The following PCDHA2 variants were observed in gnomAD, a reference collection of about 807,000 sequenced individuals.
PCDHA2 encodes protocadherin alpha 2.
In PCDHA2, 58 loss-of-function variants were observed where a neutral mutation model predicts 66.0. That is an observed-to-expected ratio of 0.88 (90% CI 0.71 to 1.09). The LOEUF is 1.09. PCDHA2 is among the 50% of genes least tolerant of loss of function. The pLI, the probability that PCDHA2 is intolerant of heterozygous loss-of-function variation, is 0.00. For synonymous variants in PCDHA2, 634 were observed against 554.0 expected (o/e 1.14, Z -2.03); for missense variants, 1,267 against 1,242.3 (o/e 1.02, Z -0.30).
chr5:140,971,451 T>C (rs1442240847), intron 1 of PCDHA2, among the ~76,000 whole-genome samples: 2 of 152,110 alleles, frequency 1.3e-5, no homozygotes, highest in East Asian at 1.9e-4. Flanking sequence ...GCTCCAGAAA[T>C]TTTTGCAGTT....
rs2150150778 is a variant in PCDHA2 at position 140,828,083 on chromosome 5, G to A, written c.2388+30731G>A. Reference sequence around the variant, plus strand: ...TCTTCTAATGGAAATAAAACCAGAGGTATTTGACATGGTGTTTACCCCGGA... The same window carrying A: ...TCTTCTAATGGAAATAAAACCAGAGATATTTGACATGGTGTTTACCCCGGA... On this transcript the variant is annotated intron_variant, in intron 1 of 3. Transcript: ENST00000526136. The A allele has an allele frequency of 5.0e-6, 8 of 1,588,704 alleles. No homozygotes were observed. In the Admixed American group the frequency reaches 7.1e-5, roughly 14 times the overall value.
chr5:140,809,506 C>T (rs1764485255), intron 1 of PCDHA2: 1 of 1,614,088 alleles, frequency 6.2e-7, no homozygotes, highest in Non-Finnish European at 8.5e-7. Context: ...TGGCCTTCAG[C>T]CCCAGTTTAC....
In PCDHA2 at chr5:140,870,432, G is replaced by A. The variant is rs368823990; in HGVS notation, c.2388+73080G>A. On this transcript the variant is annotated intron_variant, in intron 1 of 3. Transcript: ENST00000526136. ...GGGCCACGGCCAGGGTATCCGTGGAGGTGGCCGACGTGAACGACAATGCGC... is the reference window on the plus strand; with the variant it reads ...GGGCCACGGCCAGGGTATCCGTGGAAGTGGCCGACGTGAACGACAATGCGC... 721 of 1,614,252 alleles carry A rather than the reference G, an allele frequency of 4.5e-4. 4 individuals carry two copies. In the African/African-American group the frequency reaches 8.4e-3, roughly 19 times the overall value.
intron 1 of PCDHA2, chr5:140,805,018 T>C (rs1554123186): frequency 6.4e-7 from 1 of 1,568,484 alleles, no homozygotes; most frequent in Non-Finnish European, 8.6e-7. Flanking sequence ...GTTATCAGCT[T>C]CTTGAATATA....
chr5:140,813,858 G>C (rs1554126343), intron 1 of PCDHA2: 1 of 152,212 alleles, frequency 6.6e-6, no homozygotes, highest in Non-Finnish European at 1.5e-5. Context: ...AATTAGCTAG[G>C]TGTGGTGACA....
intron 1 of PCDHA2, chr5:140,822,363 G>A: frequency 6.2e-7 from 1 of 1,614,118 alleles, no homozygotes; most frequent in South Asian, 1.1e-5. Context: ...TGGTTTTGAG[G>A]AAATCCTTAG....
rs2150125438 is a variant in PCDHA2, at chr5:140,823,390, G to T, written c.2388+26038G>T. On this transcript the variant is annotated intron_variant, in intron 1 of 3. Transcript: ENST00000526136. The stretch of plus-strand genomic sequence containing the variant: ...GCAGTTCCAGGTGAGCGCGCGCGAC[G>T]CGGGCGTGCCGCCTCTGGGCAGCAA... 8 of 1,612,786 alleles carry T rather than the reference G, an allele frequency of 5.0e-6. No individual in the cohort carries two copies. The Admixed American group carries it at 1.2e-4, about 24-fold the overall frequency.
intron 1 of PCDHA2, chr5:140,848,087 G>A (rs1781316611): frequency 5.9e-6 from 1 of 168,072 alleles, no homozygotes; most frequent in African/African-American, 2.4e-5. Flanking sequence ...AAACTTAAGT[G>A]GAGAGTTTTC....
chr5:140,955,603 C>T (rs898504105), intron 1 of PCDHA2, among the ~76,000 whole-genome samples: 1 of 152,146 alleles, frequency 6.6e-6, no homozygotes, highest in Non-Finnish European at 1.5e-5. Flanking sequence ...TTATAAATTA[C>T]CCAGTCTCAG....
At position 140,795,020 on chromosome 5, in the gene PCDHA2, T is replaced by C; in HGVS notation, c.56T>C (p.Leu19Pro). ...GCCTGGACACGGCTGCTCTCGCTTC[T>C]GCTCCTCGCAGCCTGGGAGGTGGGG... is the stretch of plus-strand genomic sequence containing the variant. ...RGAWTRLLSL[L>P]LLAAWEVGSG... The change falls in exon 1 of 4, where the codon CTG (leucine) becomes CCG (proline). Residue 19 changes from leucine to proline, a missense_variant. Leu to Pro is a moderately conservative substitution (Grantham distance 98). Coordinates refer to ENST00000526136, the MANE Select transcript of PCDHA2 (RefSeq NM_018905.3). 6.2e-7 allele frequency: 1 copy of C among 1,613,814 alleles called. No homozygotes were observed. The highest frequency in any genetic ancestry group is 8.5e-7 in the Non-Finnish European group (1 of 1,179,970).
At chr5:140,821,734 GT>G in intron 1 of PCDHA2, 3 of 1,534,086 alleles carry the variant, frequency 2.0e-6, no homozygotes, top group South Asian at 1.2e-5. Flanking sequence ...AATACATTGT[GT>G]GGTGATGCAA....
intron 1 of PCDHA2, chr5:140,969,483 G>C (rs531496681): frequency 1.4e-6 from 2 of 1,462,372 alleles, no homozygotes; most frequent in African/African-American, 1.4e-5. Context: ...ATCATAATCT[G>C]CTATTTCCTC....
intron 1 of PCDHA2, chr5:140,881,353 G>C (rs537796043): frequency 1.0e-6 from 1 of 985,060 alleles, no homozygotes; most frequent in African/African-American, 1.7e-5. Flanking sequence ...GCTACAATGC[G>C]TGGCTTTCGT....
At position 140,857,921 on chromosome 5, in the gene PCDHA2, C is replaced by A. The variant is rs1554150855; in HGVS notation, c.2388+60569C>A. On this transcript the variant is annotated intron_variant, in intron 1 of 3. Coordinates refer to ENST00000526136, the MANE Select transcript of PCDHA2 (RefSeq NM_018905.3). ...TGCACGCATCCCGTTTCGCGTGGGG[C>A]TGTACACGGGCGAGATCAGTACGAC... 4 of 1,597,628 alleles carry A rather than the reference C, an allele frequency of 2.5e-6. No homozygotes were observed. The Admixed American group carries it at 6.7e-5, about 27-fold the overall frequency.
chr5:140,795,538 T>A lies in PCDHA2; in HGVS notation c.574T>A (p.Leu192Met), dbSNP rs1562153588. 2 of 1,614,128 alleles carry A rather than the reference T, an allele frequency of 1.2e-6. No homozygotes were observed. The highest frequency in any genetic ancestry group is 2.2e-5 in the East Asian group (1 of 44,878). Residue 192 changes from leucine to methionine, a missense_variant, in exon 1 of 4, where the codon TTG (leucine) becomes ATG (methionine). Physicochemically the swap from Leu to Met is conservative, Grantham distance 15 (BLOSUM62 2). Transcript: ENST00000526136. ...IQANDELSESLSLVLGKSLDR... is the reference protein window; with the variant it reads ...IQANDELSESMSLVLGKSLDR... The stretch of plus-strand genomic sequence containing the variant: ...GGCAAATGATGAACTAAGCGAATCT[T>A]TGTCTCTCGTGCTGGGGAAATCGCT...
intron 1 of PCDHA2, chr5:140,830,478 A>G: frequency 2.0e-6 from 3 of 1,521,696 alleles, no homozygotes; most frequent in East Asian, 2.3e-5. Flanking sequence ...GAAGATCATG[A>G]TGCCAAAGTA....
At chr5:140,862,636 T>C in intron 1 of PCDHA2, 1 of 539,338 alleles carries the variant, frequency 1.9e-6, no homozygotes, top group East Asian at 5.1e-5. Flanking sequence ...CTGCCACGAC[T>C]TCACAGTGTC....
chr5:140,890,945 G>A (rs2062873584), intron 1 of PCDHA2, among the ~76,000 whole-genome samples: 1 of 152,132 alleles, frequency 6.6e-6, no homozygotes, highest in Non-Finnish European at 1.5e-5. Flanking sequence ...AGATGCTGGT[G>A]AGGAATGATT....
intron 1 of PCDHA2, chr5:140,836,970 C>T: frequency 2.6e-6 from 1 of 381,196 alleles, no homozygotes; most frequent in Non-Finnish European, 4.6e-6. Flanking sequence ...GGCTACTCTC[C>T]ATTTTTGGAG....
Sources: allele counts gnomAD v4.1 joint callset (sites outside exome capture counted in the v4.1 genomes callset), GRCh38; gene constraint gnomAD v4.1.1; transcripts MANE v1.5; gene names NCBI Gene and HGNC (gene_info 2026-07-23, HGNC 2026-07-21).